Variants in PTPRD observed in about 807,000 individuals in gnomAD.
The protein encoded by PTPRD is receptor-type tyrosine-protein phosphatase delta.
Under a neutral mutation model 214.5 loss-of-function variants are expected in PTPRD, and 34 were observed. That is an observed-to-expected ratio of 0.16 (90% confidence interval 0.12 to 0.21). The LOEUF is 0.21. Among genes scored for constraint, PTPRD ranks in the 10% least tolerant of loss-of-function variants. PTPRD has a pLI of 1.00. For missense variants in PTPRD, 2,545 were observed against 2,398.7 expected (o/e 1.06, Z -1.27); for synonymous variants, 1,128 against 845.7 (o/e 1.33, Z -5.79).
chr9:10,366,115 G>C (rs1455624158), intron 2 of PTPRD, among the ~76,000 whole-genome samples: 1 of 152,108 alleles, frequency 6.6e-6, no homozygotes, highest in Non-Finnish European at 1.5e-5. Flanking sequence ...TAGGTGGTTT[G>C]TCTGACATGT....
intron 12 of PTPRD, among the ~76,000 whole-genome samples, chr9:8,676,939 A>T (rs1313621282): frequency 6.6e-6 from 1 of 152,218 alleles, no homozygotes; most frequent in Non-Finnish European, 1.5e-5. Context: ...GGCACCCAAA[A>T]TAAGTCTGTA....
intron 9 of PTPRD, among the ~76,000 whole-genome samples, chr9:9,305,975 C>A (rs1308581192): frequency 6.6e-6 from 1 of 152,072 alleles, no homozygotes; most frequent in Non-Finnish European, 1.5e-5. Context: ...TAATAAATTT[C>A]TGTTGTTTTA....
intron 9 of PTPRD, among the ~76,000 whole-genome samples, chr9:9,211,866 C>T (rs1163295573): frequency 6.6e-6 from 1 of 151,642 alleles, no homozygotes; most frequent in Non-Finnish European, 1.5e-5. Flanking sequence ...GTAACTTAGC[C>T]CAGGTTACAC....
chr9:10,368,997 T>C (rs1374560167), intron 2 of PTPRD, among the ~76,000 whole-genome samples: 1 of 152,106 alleles, frequency 6.6e-6, no homozygotes, highest in Non-Finnish European at 1.5e-5. Context: ...CTGGGGAATA[T>C]GTGTTTTTTT....
At chr9:9,376,835 A>C (rs746395853) in intron 9 of PTPRD, among the ~76,000 whole-genome samples, 1 of 152,150 alleles carries the variant, frequency 6.6e-6, no homozygotes, top group African/African-American at 2.4e-5. Context: ...TACATAAAAC[A>C]TAATGTGGAA....
chr9:9,933,186 C>T (rs1399940140), intron 5 of PTPRD, among the ~76,000 whole-genome samples: 2 of 152,150 alleles, frequency 1.3e-5, no homozygotes, highest in African/African-American at 4.8e-5. Flanking sequence ...GCAAAATAAC[C>T]AGCTAACATC....
intron 7 of PTPRD, among the ~76,000 whole-genome samples, chr9:9,687,186 C>T (rs571590455): frequency 3.3e-5 from 5 of 151,908 alleles, no homozygotes; most frequent in East Asian, 1.9e-4. Flanking sequence ...AAGGCACACT[C>T]GTGAGTTCCT....
At chr9:8,571,014 T>A (rs186351820) in intron 14 of PTPRD, among the ~76,000 whole-genome samples, 123 of 152,012 alleles carry the variant, frequency 8.1e-4, no homozygotes, top group Non-Finnish European at 1.5e-3. Context: ...GGCTAACACA[T>A]AAAAGCACCA....
chr9:8,884,882 A>G (rs1005353300), intron 11 of PTPRD, among the ~76,000 whole-genome samples: 3 of 152,314 alleles, frequency 2.0e-5, no homozygotes, highest in South Asian at 2.1e-4. Context: ...CATACTGCAC[A>G]TCTGGATTAT....
At chr9:8,852,454 C>A (rs1024922814) in intron 11 of PTPRD, among the ~76,000 whole-genome samples, 2 of 152,196 alleles carry the variant, frequency 1.3e-5, no homozygotes, top group African/African-American at 4.8e-5. Context: ...AAAGCCTTGA[C>A]TCAGATGGCT....
intron 3 of PTPRD, among the ~76,000 whole-genome samples, chr9:10,303,216 G>T (rs1396511945): frequency 6.6e-6 from 1 of 152,076 alleles, no homozygotes. Flanking sequence ...AAACCAATGA[G>T]AACAAAGTCA....
chr9:9,088,116 AAGTG>A (rs1445504311), intron 10 of PTPRD, among the ~76,000 whole-genome samples: 1 of 151,210 alleles, frequency 6.6e-6, no homozygotes, highest in East Asian at 2.0e-4. Flanking sequence ...TCCTGACCTG[AAGTG>A]ATCTGCTCGC....
At chr9:8,460,120 G>A (rs1201988820) in intron 33 of PTPRD, among the ~76,000 whole-genome samples, 1 of 152,072 alleles carries the variant, frequency 6.6e-6, no homozygotes, top group African/African-American at 2.4e-5. Flanking sequence ...ATGCACTAAT[G>A]CCTCAATTGT....
At chr9:9,609,946 T>C (rs568271419) in intron 7 of PTPRD, among the ~76,000 whole-genome samples, 97 of 152,326 alleles carry the variant, frequency 6.4e-4, no homozygotes, top group African/African-American at 1.8e-3. Flanking sequence ...GGCAAAATTA[T>C]GTGAAGATGA....
At chr9:9,067,713 A>G (rs2154406156) in intron 10 of PTPRD, among the ~76,000 whole-genome samples, 1 of 152,344 alleles carries the variant, frequency 6.6e-6, no homozygotes, top group Middle Eastern at 3.4e-3. Flanking sequence ...AATAGGCTTT[A>G]TCCAGTTTCT....
chr9:9,146,209 G>C (rs547119306), intron 10 of PTPRD, among the ~76,000 whole-genome samples: 179 of 152,164 alleles, frequency 1.2e-3, no homozygotes, highest in African/African-American at 4.1e-3. Context: ...TTATTCGTTA[G>C]TACCTGTATT....
chr9:8,854,790 T>A (rs1185695305), intron 11 of PTPRD, among the ~76,000 whole-genome samples: 3 of 152,216 alleles, frequency 2.0e-5, no homozygotes, highest in East Asian at 1.9e-4. Context: ...AATCACATCA[T>A]CAATCTATGC....
Position 10,559,391 on chromosome 9 carries a change from C to T in PTPRD, c.-600+53007G>A, listed in dbSNP as rs549743756. ...ATTAAAATTTCAGTTCTTCCATCAT[C>T]AGTCACATTCCAAATAATCAATGGC... On this transcript the variant is annotated intron_variant, in intron 2 of 45. Coordinates refer to ENST00000381196, the MANE Select transcript of PTPRD (RefSeq NM_002839.4). Among the ~76,000 whole-genome samples, 15 of 152,232 alleles carry T rather than the reference C, an allele frequency of 9.9e-5. No individual in the cohort carries two copies. The East Asian group carries it at 2.7e-3, about 27-fold the overall frequency.
intron 2 of PTPRD, among the ~76,000 whole-genome samples, chr9:10,584,158 C>G (rs990602207): frequency 6.7e-6 from 1 of 149,490 alleles, no homozygotes; most frequent in Non-Finnish European, 1.5e-5. Flanking sequence ...CACAAGTGCT[C>G]TAGCATGACT....
Sources: gnomAD v4.1 joint callset for allele counts (sites outside exome capture counted in the v4.1 genomes callset) on GRCh38, gnomAD v4.1.1 for gene constraint, MANE v1.5 for transcripts, NCBI Gene and HGNC (gene_info 2026-07-23, HGNC 2026-07-21) for gene names.